The following MAGI1 variants were observed in gnomAD, a reference collection of about 807,000 sequenced individuals.
MAGI1 encodes the protein membrane associated guanylate kinase, WW and PDZ domain containing 1, also known as membrane-associated guanylate kinase, WW and PDZ domain-containing protein 1.
Under a neutral mutation model 139.9 loss-of-function variants are expected in MAGI1, and 58 were observed. That is an observed-to-expected ratio of 0.41 (90% CI 0.34 to 0.52). MAGI1 has a LOEUF of 0.52. Ranked by LOEUF, MAGI1 falls within the 20% of genes least tolerant of loss-of-function variation. MAGI1 has a pLI of 0.12. For missense variants in MAGI1, 1,874 were observed against 1,901.6 expected (o/e 0.99, Z 0.27); for synonymous variants, 812 against 737.9 (o/e 1.10, Z -1.63).
intron 1 of MAGI1, among the ~76,000 whole-genome samples, chr3:65,958,126 T>A (rs2064228564): frequency 6.6e-6 from 1 of 152,194 alleles, no homozygotes; most frequent in Non-Finnish European, 1.5e-5. Flanking sequence ...CTGCGATTTA[T>A]GCCCTTCTCA....
At chr3:65,668,709 G>A (rs2086676655) in intron 1 of MAGI1, among the ~76,000 whole-genome samples, 1 of 151,338 alleles carries the variant, frequency 6.6e-6, no homozygotes, top group Non-Finnish European at 1.5e-5. Context: ...TGGGGTTACA[G>A]GCGTGCTGTA....
At chr3:65,997,823 C>T (rs2066532665) in intron 1 of MAGI1, among the ~76,000 whole-genome samples, 1 of 152,112 alleles carries the variant, frequency 6.6e-6, no homozygotes, top group Admixed American at 6.5e-5. Context: ...CCCATGAGAG[C>T]AAGGACTGTT....
intron 1 of MAGI1, among the ~76,000 whole-genome samples, chr3:65,786,152 C>T (rs193184259): frequency 4.8e-4 from 73 of 151,790 alleles, no homozygotes; most frequent in East Asian, 3.9e-4. Flanking sequence ...GATGGGATTT[C>T]GCCTTGTTGG....
At chr3:65,701,682 G>A (rs1352663884) in intron 1 of MAGI1, among the ~76,000 whole-genome samples, 1 of 152,084 alleles carries the variant, frequency 6.6e-6, no homozygotes, top group African/African-American at 2.4e-5. Flanking sequence ...ATGTGACTAG[G>A]AAGAGCTTGA....
At chr3:65,878,858 C>T (rs889020485) in intron 1 of MAGI1, among the ~76,000 whole-genome samples, 5 of 152,120 alleles carry the variant, frequency 3.3e-5, no homozygotes, top group African/African-American at 9.7e-5. Context: ...AATTTATCTA[C>T]GAAACAGGTA....
rs369873071 is a variant in MAGI1, at chr3:65,873,407, T to A, written c.313+164589A>T. The A allele has an allele frequency of 3.3e-5, 5 of 152,340 alleles. No individual in the cohort carries two copies. In the East Asian group the frequency reaches 9.6e-4, roughly 29 times the overall value. 9.4% of individuals were successfully genotyped at this position (152,340 alleles called of 1,614,324 possible). A position where few individuals can be genotyped will look rare whatever the true frequency, so the allele number is the denominator to read the frequency against. ...AGTGTTCCTGTGATAACCCTCAAAG[T>A]TAATTCCTACTGCTTATTTTCTGGC... On this transcript the variant is annotated intron_variant, in intron 1 of 22. Coordinates refer to ENST00000402939, the MANE Select transcript of MAGI1 (RefSeq NM_001033057.2).
intron 1 of MAGI1, among the ~76,000 whole-genome samples, chr3:65,705,406 C>T (rs917390947): frequency 6.6e-6 from 1 of 152,274 alleles, no homozygotes; most frequent in African/African-American, 2.4e-5. Context: ...ACCAACAATA[C>T]ATTATCCCTT....
chr3:65,693,446 A>G (rs775324109), intron 1 of MAGI1, among the ~76,000 whole-genome samples: 3 of 152,194 alleles, frequency 2.0e-5, no homozygotes, highest in Non-Finnish European at 4.4e-5. Flanking sequence ...CCTGGACCAT[A>G]AAATATAGCA....
intron 1 of MAGI1, among the ~76,000 whole-genome samples, chr3:65,716,091 C>G (rs1375506417): frequency 6.6e-6 from 1 of 152,190 alleles, no homozygotes. Flanking sequence ...TTAAACCATT[C>G]GAGCCCCCTC....
chr3:65,557,041 A>T (rs748696558), intron 2 of MAGI1, among the ~76,000 whole-genome samples: 3 of 152,192 alleles, frequency 2.0e-5, no homozygotes, highest in Non-Finnish European at 4.4e-5. Context: ...ACAGCAACTT[A>T]TCAGAAGAAC....
At chr3:65,984,692 T>TGG (rs2065786427) in intron 1 of MAGI1, among the ~76,000 whole-genome samples, 1 of 141,418 alleles carries the variant, frequency 7.1e-6, no homozygotes, top group African/African-American at 2.6e-5. Context: ...TGCACCACCA[T>TGG]GCCTTGCTAA....
chr3:65,926,356 TCTCTCTCTCTCTCCC>T (rs1179549416), intron 1 of MAGI1, among the ~76,000 whole-genome samples: 9 of 151,028 alleles, frequency 6.0e-5, no homozygotes, highest in African/African-American at 2.2e-4. Flanking sequence ...TCTCTCTCTC[TCTCTCTCTCTCTCCC>T]TCTTTCCCTC....
At chr3:65,430,258 T>C (rs931421120) in intron 11 of MAGI1, 118 bp from the exon 12 acceptor site, 27 of 1,030,586 alleles carry the variant, frequency 2.6e-5, no homozygotes, top group Non-Finnish European at 3.6e-5. Flanking sequence ...TGTGATACTA[T>C]AGGGTATAAA....
chr3:65,465,881 A>T (rs765612160), intron 5 of MAGI1, among the ~76,000 whole-genome samples: 2 of 152,060 alleles, frequency 1.3e-5, no homozygotes, highest in African/African-American at 2.4e-5. Flanking sequence ...TACTGTTCCA[A>T]ATGCCCCTGA....
intron 2 of MAGI1, among the ~76,000 whole-genome samples, chr3:65,587,375 G>A (rs1400759905): frequency 2.0e-5 from 3 of 151,708 alleles, no homozygotes; most frequent in Admixed American, 2.0e-4. Flanking sequence ...ATTGAATACT[G>A]TACTGAAAGT....
At chr3:65,921,768 A>T (rs1038071120) in intron 1 of MAGI1, among the ~76,000 whole-genome samples, 4 of 152,140 alleles carry the variant, frequency 2.6e-5, no homozygotes, top group African/African-American at 9.7e-5. Flanking sequence ...AATTGTCTGT[A>T]GCCTGCTAGT....
chr3:65,982,734 T>C (rs72908988), intron 1 of MAGI1, among the ~76,000 whole-genome samples: 2,304 of 152,232 alleles, frequency 0.015, 56 homozygotes, highest in African/African-American at 0.052. Flanking sequence ...GTCACCATTA[T>C]AGTGACTGTA....
At chr3:65,494,180 T>A (rs1952254664) in intron 2 of MAGI1, among the ~76,000 whole-genome samples, 1 of 152,178 alleles carries the variant, frequency 6.6e-6, no homozygotes, top group Admixed American at 6.5e-5. Context: ...TCCCAGGGAT[T>A]AAAATGCTGC....
At chr3:65,459,971 C>T (rs771398862) in intron 5 of MAGI1, among the ~76,000 whole-genome samples, 22 of 152,090 alleles carry the variant, frequency 1.4e-4, no homozygotes, top group Admixed American at 9.2e-4. Flanking sequence ...CAACTGACAT[C>T]CTTGGCTTGT....
Sources: allele counts gnomAD v4.1 joint callset (sites outside exome capture counted in the v4.1 genomes callset), GRCh38; gene constraint gnomAD v4.1.1; transcripts MANE v1.5; gene names NCBI Gene and HGNC (gene_info 2026-07-23, HGNC 2026-07-21).